KIAA1671: variants seen among roughly 807,000 people sequenced by gnomAD.
The protein encoded by KIAA1671 is uncharacterized protein KIAA1671.
Under a neutral mutation model 131.2 loss-of-function variants are expected in KIAA1671, and 52 were observed. The observed-to-expected ratio is 0.40, with a 90% CI of 0.32 to 0.50. The LOEUF (loss-of-function observed/expected upper bound fraction) is 0.50, where lower values mean the gene tolerates loss of function less well. Among genes scored for constraint, KIAA1671 ranks in the 20% least tolerant of loss-of-function variants. The pLI, the probability that KIAA1671 is intolerant of heterozygous loss-of-function variation, is 0.73. For synonymous variants in KIAA1671, 1,003 were observed against 961.6 expected (o/e 1.04, Z -0.80); for missense variants, 2,360 against 2,364.2 (o/e 1.00, Z 0.04).
chr22:25,162,456 G>A (rs889488626), intron 6 of KIAA1671, among the ~76,000 whole-genome samples: 2 of 152,138 alleles, frequency 1.3e-5, no homozygotes, highest in African/African-American at 2.4e-5. Flanking sequence ...TTTCTTAGGC[G>A]GATGTGTCAA....
intron 2 of KIAA1671, among the ~76,000 whole-genome samples, chr22:25,026,188 C>T (rs1925932899): frequency 6.6e-6 from 1 of 152,190 alleles, no homozygotes; most frequent in Non-Finnish European, 1.5e-5. Context: ...ATCTGTCTGC[C>T]TTTCTTTCCT....
chr22:25,148,944 T>C (rs1932947501), intron 6 of KIAA1671, among the ~76,000 whole-genome samples: 1 of 152,226 alleles, frequency 6.6e-6, no homozygotes, highest in Non-Finnish European at 1.5e-5. Flanking sequence ...GGCTGATCTA[T>C]ACCAAGAGTT....
chr22:25,103,728 G>C (rs910617474), intron 6 of KIAA1671, among the ~76,000 whole-genome samples: 1 of 152,136 alleles, frequency 6.6e-6, no homozygotes, highest in African/African-American at 2.4e-5. Context: ...GCCTGACCTT[G>C]TGATCCGCCC....
At chr22:25,173,755 G>A (rs1461903360) in intron 7 of KIAA1671, among the ~76,000 whole-genome samples, 1 of 152,108 alleles carries the variant, frequency 6.6e-6, no homozygotes. Flanking sequence ...CAGAACCAAG[G>A]GATCCAAAAT....
At chr22:25,032,575 A>C (rs1926352902) in intron 3 of KIAA1671, 34 bp from the exon 4 acceptor site, 1 of 1,409,312 alleles carries the variant, frequency 7.1e-7, no homozygotes, top group Admixed American at 2.0e-5. Context: ...AACAGCTTCC[A>C]GCTCCATGAA....
intron 6 of KIAA1671, among the ~76,000 whole-genome samples, chr22:25,131,732 T>C (rs1932449817): frequency 6.6e-6 from 1 of 152,210 alleles, no homozygotes; most frequent in African/African-American, 2.4e-5. Context: ...GAGAACAGGG[T>C]GATGCCATCC....
intron 10 of KIAA1671, among the ~76,000 whole-genome samples, chr22:25,182,233 TCCTC>T (rs1409393078): frequency 6.6e-6 from 1 of 151,254 alleles, no homozygotes; most frequent in East Asian, 1.9e-4. Context: ...CTTCCTTTCT[TCCTC>T]CCTCCCTGTC....
At chr22:25,098,002 G>A (rs553530047) in intron 6 of KIAA1671, among the ~76,000 whole-genome samples, 2 of 152,106 alleles carry the variant, frequency 1.3e-5, no homozygotes, top group Non-Finnish European at 2.9e-5. Flanking sequence ...CAAGGAGGAG[G>A]GTGCATCACG....
chr22:24,957,382 G>A (rs1921769531), intron 1 of KIAA1671, among the ~76,000 whole-genome samples: 1 of 152,198 alleles, frequency 6.6e-6, no homozygotes, highest in Non-Finnish European at 1.5e-5. Flanking sequence ...TAGACCATGG[G>A]CAGCAAAAAT....
intron 9 of KIAA1671, chr22:25,179,232 C>G (rs1460963943): frequency 1.0e-5 from 15 of 1,450,104 alleles, no homozygotes; most frequent in South Asian, 2.4e-5. Context: ...AAAGTTGCAT[C>G]TAGACAGAGG....
chr22:24,975,053 T>C (rs1439879249), intron 1 of KIAA1671, among the ~76,000 whole-genome samples: 2 of 152,204 alleles, frequency 1.3e-5, no homozygotes, highest in Admixed American at 6.5e-5. Flanking sequence ...TTCATAGATA[T>C]GTGCAACTCT....
At chr22:24,979,492 G>A (rs1332071046) in intron 1 of KIAA1671, among the ~76,000 whole-genome samples, 1 of 151,420 alleles carries the variant, frequency 6.6e-6, no homozygotes, top group Non-Finnish European at 1.5e-5. Flanking sequence ...TGGGACTACA[G>A]ACACCTGCCA....
At chr22:24,966,375 C>T (rs1242522669) in intron 1 of KIAA1671, among the ~76,000 whole-genome samples, 3 of 152,206 alleles carry the variant, frequency 2.0e-5, no homozygotes, top group African/African-American at 7.2e-5. Context: ...ACTGTACACT[C>T]ACACCACCTG....
At chr22:24,953,219 A>G (rs1395455858) in intron 1 of KIAA1671, among the ~76,000 whole-genome samples, 3 of 152,002 alleles carry the variant, frequency 2.0e-5, no homozygotes, top group African/African-American at 7.2e-5. Context: ...TGCCAGCCTG[A>G]GCCTTGGGAA....
intron 5 of KIAA1671, among the ~76,000 whole-genome samples, chr22:25,045,870 C>T (rs1028228250): frequency 9.2e-5 from 14 of 152,158 alleles, no homozygotes; most frequent in African/African-American, 1.9e-4. Context: ...GAATTACAGG[C>T]GTGAGCCACT....
At chr22:25,132,502 G>A (rs1033013046) in intron 6 of KIAA1671, among the ~76,000 whole-genome samples, 4 of 152,162 alleles carry the variant, frequency 2.6e-5, no homozygotes, top group Non-Finnish European at 4.4e-5. Context: ...TGCCCCTCTC[G>A]GAGCCTCGGT....
rs562266118 is a variant in KIAA1671 at position 25,145,920 on chromosome 22, A to G, written c.4531-24900A>G. ...ACGCCACTGTACTCCAGCCTGGGCG[A>G]CAGAACACAGCCCTATCTCTAAAAG... On this transcript the variant is annotated intron_variant, in intron 6 of 12. Coordinates refer to ENST00000358431, the MANE Select transcript of KIAA1671 (RefSeq NM_001145206.2). 1.3e-3 allele frequency among the ~76,000 whole-genome samples: 191 copies of G among 150,618 alleles called. 3 individuals carry two copies. The South Asian group carries it at 0.032, about 25-fold the overall frequency.
At chr22:25,080,165 A>C (rs1232834931) in intron 6 of KIAA1671, among the ~76,000 whole-genome samples, 1 of 151,802 alleles carries the variant, frequency 6.6e-6, no homozygotes, top group Non-Finnish European at 1.5e-5. Flanking sequence ...CCAGGTTTGC[A>C]CTTGTTGGTT....
At position 25,040,831 on chromosome 22, in the gene KIAA1671, G is replaced by A. The variant is rs1187968207; in HGVS notation, c.3701G>A (p.Arg1234Gln). 11 of 1,551,288 alleles carry A rather than the reference G, an allele frequency of 7.1e-6. No individual in the cohort carries two copies. Among genetic ancestry groups the A allele is most frequent in the African/African-American group, 4.1e-5 (3 of 73,026 alleles). ...SPTVEPSTLP[R>Q]ERPVQLGGVE... Reference sequence around the variant, plus strand: ...ACCGTGGAGCCCAGTACGTTGCCTCGGGAGAGGCCTGTTCAGCTGGGCGGG... The same window carrying A: ...ACCGTGGAGCCCAGTACGTTGCCTCAGGAGAGGCCTGTTCAGCTGGGCGGG... The change falls in exon 5 of 13, where the codon CGG becomes CAG. Residue 1234 changes from arginine (R) to glutamine (Q), a missense_variant. This residue lies in a region of KIAA1671 where 1,161 missense variants were observed against 1,204.7 expected (regional missense o/e 0.96). Transcript: ENST00000358431.
Sources: gnomAD v4.1 joint callset for allele counts (sites outside exome capture counted in the v4.1 genomes callset) on GRCh38, gnomAD v4.1.1 for gene constraint, gnomAD v4.1.1 regional missense constraint, MANE v1.5 for transcripts, NCBI Gene and HGNC (gene_info 2026-07-23, HGNC 2026-07-21) for gene names.